Variants in ZMYM2 observed in about 807,000 individuals in gnomAD.
ZMYM2 encodes zinc finger MYM-type protein 2.
Under a neutral mutation model 162.8 loss-of-function variants are expected in ZMYM2, and 56 were observed. The ratio of observed to expected loss-of-function variants is 0.34; its 90% CI spans 0.28 to 0.43. ZMYM2 has a LOEUF of 0.43. ZMYM2 is among the 20% of genes least tolerant of loss of function. ZMYM2 has a pLI of 1.00. For missense variants in ZMYM2, 1,275 were observed against 1,621.8 expected (o/e 0.79, Z 3.67); for synonymous variants, 510 against 541.6 (o/e 0.94, Z 0.81).
the ZMYM2 span, among the ~76,000 whole-genome samples, chr13:19,907,106 G>T: frequency 6.6e-6 from 1 of 152,076 alleles, no homozygotes; most frequent in Admixed American, 6.6e-5. Flanking sequence ...ATTTTAAGTA[G>T]GTAGAAACAT....
chr13:19,992,331 A>AG (rs1430892346), intron 2 of ZMYM2, among the ~76,000 whole-genome samples: 1 of 152,164 alleles, frequency 6.6e-6, no homozygotes, highest in Non-Finnish European at 1.5e-5. Context: ...GGCCGAGTTC[A>AG]GGGGATCTCT....
chr13:19,870,682 A>G, the ZMYM2 span, among the ~76,000 whole-genome samples: 1 of 151,462 alleles, frequency 6.6e-6, no homozygotes, highest in Admixed American at 6.6e-5. Flanking sequence ...CACAGATCAC[A>G]GTAGTGCGAT....
chr13:19,925,350 G>A, the ZMYM2 span, among the ~76,000 whole-genome samples: 1 of 152,024 alleles, frequency 6.6e-6, no homozygotes, highest in East Asian at 1.9e-4. Flanking sequence ...GGTCTTAAAT[G>A]TTATCAAGTG....
chr13:20,062,828 A>C lies in ZMYM2; in HGVS notation c.2912-18A>C. On this transcript the variant is annotated intron_variant, in intron 17 of 24. Transcript: ENST00000610343. ...GTTTTCTGTTTTGATTCCTAATGAT[A>C]ATATGGATTGATTTCAGGTGTAATT... 2 of 1,546,528 alleles carry C rather than the reference A, an allele frequency of 1.3e-6. No homozygotes were observed. The highest frequency in any genetic ancestry group is 1.7e-6 in the Non-Finnish European group (2 of 1,143,560).
chr13:19,949,843 C>T, the ZMYM2 span, among the ~76,000 whole-genome samples: 2 of 143,776 alleles, frequency 1.4e-5, no homozygotes, highest in African/African-American at 2.6e-5. Flanking sequence ...GTCGAGATCA[C>T]GCCACTGCAC....
the ZMYM2 span, among the ~76,000 whole-genome samples, chr13:19,932,481 C>T: frequency 6.6e-6 from 1 of 152,064 alleles, no homozygotes. Flanking sequence ...AACCTTGTCT[C>T]TACTAAAAAT....
chr13:20,075,154 A>G (rs1430999289), intron 21 of ZMYM2, among the ~76,000 whole-genome samples: 1 of 152,208 alleles, frequency 6.6e-6, no homozygotes, highest in East Asian at 1.9e-4. Flanking sequence ...ACAGAAATAG[A>G]AGCTATTTTT....
chr13:19,993,231 A>T lies in ZMYM2; in HGVS notation c.159A>T (p.Ser53=). ...VSRSNKFQNS[S]VEDDDDVVFI... is the part of the protein sequence containing the mutation. ...GATCTAATAAGTTTCAGAACTCGTC[A>T]GTGGAAGATGATGATGATGTTGTTT... is the stretch of plus-strand genomic sequence containing the variant. Residue 53 remains serine, a synonymous_variant, in exon 3 of 25, where the codon TCA becomes TCT. Coordinates refer to ENST00000610343, the MANE Select transcript of ZMYM2 (RefSeq NM_197968.4). 2 of 1,614,004 alleles carry T rather than the reference A, an allele frequency of 1.2e-6. No homozygotes were observed. Among genetic ancestry groups the T allele is most frequent in the Non-Finnish European group, 1.7e-6 (2 of 1,179,892 alleles).
intron 19 of ZMYM2, 171 bp from the exon 20 acceptor site, chr13:20,066,680 G>T: frequency 4.0e-6 from 2 of 501,336 alleles, no homozygotes; most frequent in Non-Finnish European, 6.6e-6. Context: ...GAAGGAGGTT[G>T]GAGAGGCAGG....
intron 2 of ZMYM2, among the ~76,000 whole-genome samples, chr13:19,974,277 G>A (rs570935329): frequency 1.3e-5 from 2 of 152,102 alleles, no homozygotes; most frequent in Non-Finnish European, 2.9e-5. Context: ...TTTATGCATT[G>A]TTTTATACCT....
chr13:19,883,832 C>T, the ZMYM2 span, among the ~76,000 whole-genome samples: 51 of 152,290 alleles, frequency 3.3e-4, no homozygotes, highest in African/African-American at 1.2e-3. Flanking sequence ...TCTCGCCTCA[C>T]GGCAACCCCC....
At chr13:19,930,553 T>TG in the ZMYM2 span, among the ~76,000 whole-genome samples, 1 of 151,536 alleles carries the variant, frequency 6.6e-6, no homozygotes, top group Non-Finnish European at 1.5e-5. Context: ...ATTTATTTGT[T>TG]TTGAGATGGA....
intron 21 of ZMYM2, among the ~76,000 whole-genome samples, chr13:20,078,277 G>A (rs914575684): frequency 2.0e-5 from 3 of 152,110 alleles, no homozygotes; most frequent in East Asian, 1.9e-4. Flanking sequence ...TATTAATGAA[G>A]CTTTATTCAT....
chr13:20,035,653 C>T (rs1161827659), intron 11 of ZMYM2, among the ~76,000 whole-genome samples: 2 of 152,082 alleles, frequency 1.3e-5, no homozygotes, highest in African/African-American at 4.8e-5. Context: ...AGGTAATTGA[C>T]ATTCAAGAAG....
the ZMYM2 span, among the ~76,000 whole-genome samples, chr13:19,877,211 CAAAAAA>C: frequency 7.9e-6 from 1 of 126,548 alleles, no homozygotes; most frequent in African/African-American, 3.1e-5. Context: ...GACTCCGTCT[CAAAAAA>C]AAAAAAAAAA....
the ZMYM2 span, among the ~76,000 whole-genome samples, chr13:19,933,139 G>A: frequency 3.3e-5 from 5 of 151,828 alleles, no homozygotes; most frequent in Non-Finnish European, 5.9e-5. Context: ...TATTTTAGAG[G>A]TGGGGTCTCA....
At chr13:19,874,580 A>G in the ZMYM2 span, among the ~76,000 whole-genome samples, 1 of 152,084 alleles carries the variant, frequency 6.6e-6, no homozygotes, top group Admixed American at 6.6e-5. Context: ...CCTCTTCTGG[A>G]TGTCAAATCT....
chr13:19,935,840 G>T, the ZMYM2 span, among the ~76,000 whole-genome samples: 1 of 152,000 alleles, frequency 6.6e-6, no homozygotes, highest in Non-Finnish European at 1.5e-5. Flanking sequence ...CTGTTCTAGG[G>T]TTTCTTTTTC....
Position 20,051,486 on chromosome 13 carries a change from G to T in ZMYM2, c.2346G>T (p.Gln782His), listed in dbSNP as rs1194544389. ...KSQGTLKERV[Q>H]WRGEMKHFCD... Reference sequence around the variant, plus strand: ...AAGGAACTCTTAAAGAGCGAGTTCAGTGGCGTGGGGAAATGAAACATTTCT... The same window carrying T: ...AAGGAACTCTTAAAGAGCGAGTTCATTGGCGTGGGGAAATGAAACATTTCT... Residue 782 changes from glutamine (Q) to histidine (H), a missense_variant, in exon 13 of 25, where the codon CAG becomes CAT. Gln to His is a conservative substitution (Grantham distance 24). Coordinates refer to ENST00000610343, the MANE Select transcript of ZMYM2 (RefSeq NM_197968.4). 6.2e-7 allele frequency: 1 copy of T among 1,613,572 alleles called. No homozygotes were observed. Among genetic ancestry groups the T allele is most frequent in the Middle Eastern group, 1.7e-4 (1 of 6,056 alleles).
Sources: allele counts gnomAD v4.1 joint callset (sites outside exome capture counted in the v4.1 genomes callset), GRCh38; gene constraint gnomAD v4.1.1; transcripts MANE v1.5; gene names NCBI Gene and HGNC (gene_info 2026-07-23, HGNC 2026-07-21).